Variants in TMEM132C observed in about 807,000 individuals in gnomAD.
The protein encoded by TMEM132C is protein phosphatase 1, regulatory subunit 152.
Under a neutral mutation model 61.4 loss-of-function variants are expected in TMEM132C, and 29 were observed. The ratio of observed to expected loss-of-function variants is 0.47; its 90% CI spans 0.35 to 0.64. The LOEUF is 0.64. TMEM132C is among the 30% of genes least tolerant of loss of function. The pLI, the probability that TMEM132C is intolerant of heterozygous loss-of-function variation, is 0.00. For missense variants in TMEM132C, 1,408 were observed against 1,476.9 expected (o/e 0.95, Z 0.76); for synonymous variants, 656 against 633.1 (o/e 1.04, Z -0.54).
At chr12:128,581,185 G>A (rs186650106) in intron 3 of TMEM132C, among the ~76,000 whole-genome samples, 11 of 152,214 alleles carry the variant, frequency 7.2e-5, no homozygotes, top group South Asian at 4.2e-4. Context: ...TGATTAATGC[G>A]GATATGTGTG....
chr12:128,551,926 G>A (rs1874188627), intron 3 of TMEM132C, among the ~76,000 whole-genome samples: 1 of 152,164 alleles, frequency 6.6e-6, no homozygotes, highest in Admixed American at 6.5e-5. Context: ...AAAGGTTTCT[G>A]CCTCAAGCAT....
At position 128,639,386 on chromosome 12, in the gene TMEM132C, A is replaced by G. The variant is rs563342026; in HGVS notation, c.1305+23051A>G. 4.0e-3 allele frequency among the ~76,000 whole-genome samples: 610 copies of G among 151,520 alleles called. 1 individual carries two copies. The highest frequency in any genetic ancestry group is 4.6e-3 in the Non-Finnish European group (309 of 67,824). ...ATGATGGTGATAATGGTAGTGGTAAAGATGACAATGATGATGGTGATGATG... is the reference window on the plus strand; with the variant it reads ...ATGATGGTGATAATGGTAGTGGTAAGGATGACAATGATGATGGTGATGATG... On this transcript the variant is annotated intron_variant, in intron 4 of 8. Transcript: ENST00000435159.
intron 1 of TMEM132C, among the ~76,000 whole-genome samples, chr12:128,292,104 C>T (rs913137677): frequency 4.6e-5 from 7 of 152,306 alleles, no homozygotes; most frequent in Admixed American, 1.3e-4. Context: ...TGCCTCACTA[C>T]GTAATCAATT....
At chr12:128,499,279 G>A (rs1872075219) in intron 2 of TMEM132C, among the ~76,000 whole-genome samples, 1 of 152,048 alleles carries the variant, frequency 6.6e-6, no homozygotes, top group South Asian at 2.1e-4. Context: ...TAATTATTCT[G>A]GATACGCAAT....
At chr12:128,544,990 T>C (rs1013450322) in intron 3 of TMEM132C, among the ~76,000 whole-genome samples, 10 of 152,240 alleles carry the variant, frequency 6.6e-5, no homozygotes, top group Non-Finnish European at 1.0e-4. Context: ...TTATTTTAGA[T>C]TCAGGGGGTA....
intron 1 of TMEM132C, among the ~76,000 whole-genome samples, chr12:128,294,651 T>G (rs1871346491): frequency 6.6e-6 from 1 of 152,174 alleles, no homozygotes; most frequent in African/African-American, 2.4e-5. Context: ...AGATTCACTA[T>G]CTGGTGAGAG....
At chr12:128,523,728 G>A (rs1872985473) in intron 2 of TMEM132C, among the ~76,000 whole-genome samples, 2 of 147,964 alleles carry the variant, frequency 1.4e-5, no homozygotes, top group Admixed American at 1.4e-4. Flanking sequence ...AGCCTGGCAT[G>A]ATGGCTCACA....
chr12:128,414,128 T>C (rs1354936900), intron 1 of TMEM132C, among the ~76,000 whole-genome samples: 2 of 152,202 alleles, frequency 1.3e-5, no homozygotes, highest in Non-Finnish European at 2.9e-5. Context: ...GGCTTGTGCC[T>C]GTAATCCCAA....
intron 2 of TMEM132C, among the ~76,000 whole-genome samples, chr12:128,505,290 A>G (rs1936032258): frequency 6.6e-6 from 1 of 152,190 alleles, no homozygotes; most frequent in African/African-American, 2.4e-5. Flanking sequence ...GAGACAAGAT[A>G]GATTGTTTCC....
chr12:128,381,739 T>G (rs1874406715), intron 1 of TMEM132C, among the ~76,000 whole-genome samples: 1 of 152,150 alleles, frequency 6.6e-6, no homozygotes, highest in Non-Finnish European at 1.5e-5. Flanking sequence ...AAAGAGCAGC[T>G]TTGAGGGGGA....
At chr12:128,663,051 G>A (rs916491525) in intron 4 of TMEM132C, among the ~76,000 whole-genome samples, 6 of 152,108 alleles carry the variant, frequency 3.9e-5, no homozygotes, top group African/African-American at 1.4e-4. Context: ...GCCTTTCCAT[G>A]GCTCCAGCCC....
intron 1 of TMEM132C, among the ~76,000 whole-genome samples, chr12:128,401,684 G>C (rs903087857): frequency 1.3e-5 from 2 of 152,190 alleles, no homozygotes; most frequent in African/African-American, 4.8e-5. Flanking sequence ...CAGTTATTTA[G>C]TGGATGTTTA....
chr12:128,445,291 G>A (rs1319769995), intron 2 of TMEM132C, among the ~76,000 whole-genome samples: 2 of 151,998 alleles, frequency 1.3e-5, no homozygotes, highest in African/African-American at 4.8e-5. Flanking sequence ...GAACTGAATT[G>A]AACAAAGCAA....
intron 4 of TMEM132C, among the ~76,000 whole-genome samples, chr12:128,641,726 C>T (rs1444823414): frequency 6.6e-6 from 1 of 152,250 alleles, no homozygotes; most frequent in Non-Finnish European, 1.5e-5. Context: ...GCCATCAAGT[C>T]TGTGGTCATG....
intron 1 of TMEM132C, among the ~76,000 whole-genome samples, chr12:128,298,392 A>AT (rs11362264): frequency 2.0e-5 from 3 of 151,720 alleles, no homozygotes; most frequent in South Asian, 2.1e-4. Flanking sequence ...TGTTATGTTG[A>AT]TTTTTTTGTC....
At chr12:128,293,511 G>A (rs1871313890) in intron 1 of TMEM132C, among the ~76,000 whole-genome samples, 1 of 152,180 alleles carries the variant, frequency 6.6e-6, no homozygotes. Flanking sequence ...GAGAATTGGT[G>A]TCCAGACAGG....
At chr12:128,517,705 A>G (rs1424365561) in intron 2 of TMEM132C, among the ~76,000 whole-genome samples, 2 of 152,186 alleles carry the variant, frequency 1.3e-5, no homozygotes, top group African/African-American at 4.8e-5. Context: ...TCATTAATGT[A>G]AACATTGCAG....
chr12:128,275,278 C>A (rs1454674131), intron 1 of TMEM132C, among the ~76,000 whole-genome samples: 1 of 152,168 alleles, frequency 6.6e-6, no homozygotes, highest in Non-Finnish European at 1.5e-5. Context: ...TATAGCTGCT[C>A]CCCATCCCTC....
At chr12:128,531,166 A>G (rs948391443) in intron 2 of TMEM132C, among the ~76,000 whole-genome samples, 1 of 152,248 alleles carries the variant, frequency 6.6e-6, no homozygotes, top group East Asian at 1.9e-4. Context: ...TGGGGACCAG[A>G]ACAGGGGAAA....
Sources: allele counts gnomAD v4.1 joint callset (sites outside exome capture counted in the v4.1 genomes callset), GRCh38; gene constraint gnomAD v4.1.1; transcripts MANE v1.5; gene names NCBI Gene and HGNC (gene_info 2026-07-23, HGNC 2026-07-21).